BST1: variants seen among roughly 807,000 people sequenced by gnomAD.
BST1 encodes ADP-ribosyl cyclase/cyclic ADP-ribose hydrolase 2.
A neutral mutation model predicts 40.6 loss-of-function variants in BST1; 49 were observed. The observed-to-expected ratio is 1.21, with a 90% CI of 0.96 to 1.53. The LOEUF (loss-of-function observed/expected upper bound fraction) is 1.53. Among genes scored for constraint, BST1 ranks in the 40% most tolerant of loss-of-function variants. The pLI is 0.00. For missense variants in BST1, 423 were observed against 395.9 expected, an observed-to-expected ratio of 1.07 and a Z score of -0.58; for synonymous variants, 157 against 159.3, an observed-to-expected ratio of 0.99 and a Z score of 0.11.
the BST1 span, among the ~76,000 whole-genome samples, chr4:15,764,406 G>T: frequency 6.6e-6 from 1 of 151,952 alleles, no homozygotes; most frequent in African/African-American, 2.4e-5. Flanking sequence ...CCTCCCCTCA[G>T]CTGAGATATT....
downstream of BST1, chr4:15,737,748 G>A (rs1224426710): frequency 4.7e-6 from 6 of 1,277,442 alleles, no homozygotes; most frequent in African/African-American, 1.6e-5. Flanking sequence ...CCTCTAGCAC[G>A]ATAGACTTGG....
the BST1 span, among the ~76,000 whole-genome samples, chr4:15,773,636 A>G: frequency 0.057 from 8,709 of 152,158 alleles, 791 homozygotes; most frequent in African/African-American, 0.19. Context: ...CCCCATCTCT[A>G]CAAAAAAAAT....
chr4:15,773,572 G>A, the BST1 span, among the ~76,000 whole-genome samples: 1 of 152,192 alleles, frequency 6.6e-6, no homozygotes, highest in East Asian at 1.9e-4. Context: ...TCCTTGAGGA[G>A]AGTGGATGGC....
At chr4:15,751,497 T>C in the BST1 span, among the ~76,000 whole-genome samples, 1 of 152,074 alleles carries the variant, frequency 6.6e-6, no homozygotes, top group Non-Finnish European at 1.5e-5. Flanking sequence ...AAAGGTAGCA[T>C]TGGTCCATAA....
downstream of BST1, among the ~76,000 whole-genome samples, chr4:15,733,614 T>G (rs934232940): frequency 1.3e-5 from 2 of 152,270 alleles, no homozygotes; most frequent in Non-Finnish European, 2.9e-5. Flanking sequence ...CTCAGGAAAC[T>G]TACGATCATC....
the BST1 span, among the ~76,000 whole-genome samples, chr4:15,751,256 G>A: frequency 4.6e-5 from 7 of 151,542 alleles, no homozygotes; most frequent in African/African-American, 7.3e-5. Context: ...TAGTCTGTGC[G>A]GTGGTTAGGC....
At chr4:15,728,878 T>C (rs1039716506) in intron 8 of BST1, among the ~76,000 whole-genome samples, 2 of 152,082 alleles carry the variant, frequency 1.3e-5, no homozygotes, top group African/African-American at 4.8e-5. Flanking sequence ...ACTCCTGACT[T>C]CAGGTGATCC....
At chr4:15,735,991 T>C (rs1400067765), downstream of BST1, 5 of 1,025,464 alleles carry the variant, frequency 4.9e-6, no homozygotes, top group South Asian at 4.0e-5. Context: ...TCATCTGTCA[T>C]ACTGCACGCA....
At chr4:15,705,725 G>A in intron 2 of BST1, 84 bp downstream of exon 2, 1 of 1,520,216 alleles carries the variant, frequency 6.6e-7, no homozygotes, top group South Asian at 1.1e-5. Flanking sequence ...GACATTAGCT[G>A]TCCCCTGCAT....
intron 8 of BST1, among the ~76,000 whole-genome samples, chr4:15,727,756 G>A (rs924039813): frequency 1.3e-5 from 2 of 151,974 alleles, no homozygotes; most frequent in African/African-American, 4.8e-5. Context: ...TACTTTTGGT[G>A]CCCTATTCCA....
At chr4:15,726,209 C>T (rs1168004914) in intron 8 of BST1, among the ~76,000 whole-genome samples, 1 of 146,352 alleles carries the variant, frequency 6.8e-6, no homozygotes, top group Middle Eastern at 3.3e-3. Context: ...TTCTTTAGCG[C>T]CTCCCACCTG....
the BST1 span, among the ~76,000 whole-genome samples, chr4:15,773,014 G>T: frequency 2.0e-5 from 3 of 152,262 alleles, no homozygotes; most frequent in African/African-American, 4.8e-5. Context: ...TCTTTGAAAG[G>T]GGTGACTTGG....
chr4:15,757,403 G>A, the BST1 span, among the ~76,000 whole-genome samples: 1 of 152,050 alleles, frequency 6.6e-6, no homozygotes. Context: ...TATTTTTTTG[G>A]GCCCAAGGTC....
chr4:15,708,404 G>A (rs773455006), intron 3 of BST1, among the ~76,000 whole-genome samples: 11 of 152,244 alleles, frequency 7.2e-5, no homozygotes, highest in African/African-American at 2.6e-4. Context: ...ATATCAGCTC[G>A]AGTGATATGG....
At chr4:15,705,015 G>C in intron 1 of BST1, 2 of 740,954 alleles carry the variant, frequency 2.7e-6, no homozygotes, top group Non-Finnish European at 2.5e-6. Context: ...TTGAAAACTA[G>C]CATGGACCTC....
chr4:15,734,321 A>C (rs1721486442), downstream of BST1, among the ~76,000 whole-genome samples: 1 of 152,236 alleles, frequency 6.6e-6, no homozygotes, highest in African/African-American at 2.4e-5. Context: ...GGCCCTGTAC[A>C]TGAAAAAGAG....
At chr4:15,718,005 T>C (rs945021673) in intron 6 of BST1, among the ~76,000 whole-genome samples, 13 of 152,226 alleles carry the variant, frequency 8.5e-5, no homozygotes, top group African/African-American at 2.7e-4. Context: ...CTATGTGTCC[T>C]GGACCATGAA....
chr4:15,707,834 ACTCT>A (rs146353876), intron 3 of BST1, among the ~76,000 whole-genome samples, 188 bp downstream of exon 3: 3 of 107,056 alleles, frequency 2.8e-5, no homozygotes, highest in African/African-American at 7.6e-5. Context: ...CAGTCTAAGC[ACTCT>A]CTCTCTCTCT....
intron 4 of BST1, among the ~76,000 whole-genome samples, chr4:15,713,502 G>C (rs1720335600): frequency 6.6e-6 from 1 of 151,900 alleles, no homozygotes. Flanking sequence ...TCATCTTTAT[G>C]ACAATTCTGT....
Sources: allele counts gnomAD v4.1 joint callset (sites outside exome capture counted in the v4.1 genomes callset), GRCh38; gene constraint gnomAD v4.1.1; transcripts MANE v1.5; gene names NCBI Gene and HGNC (gene_info 2026-07-23, HGNC 2026-07-21).